Variants in UBE2D4 observed in about 807,000 individuals in gnomAD.
The protein encoded by UBE2D4 is ubiquitin-conjugating enzyme E2 D4.
In UBE2D4, 17 loss-of-function variants were observed where a neutral mutation model predicts 23.0. The observed-to-expected ratio is 0.74, with a 90% CI of 0.51 to 1.11. The LOEUF (loss-of-function observed/expected upper bound fraction) is 1.11. Among genes scored for constraint, UBE2D4 ranks in the 50% least tolerant of loss-of-function variants. UBE2D4 has a pLI of 0.00. For synonymous variants in UBE2D4, 61 were observed against 69.4 expected, an observed-to-expected ratio of 0.88 and a Z score of 0.60; for missense variants, 139 against 181.8, an observed-to-expected ratio of 0.76 and a Z score of 1.35.
chr7:43,926,607 G>A (rs994712940), intron 1 of UBE2D4, 51 bp downstream of exon 1: 2 of 1,526,924 alleles, frequency 1.3e-6, no homozygotes, highest in Non-Finnish European at 1.8e-6. Flanking sequence ...GCGTCGAGGT[G>A]TGGGCGGGGC....
At chr7:43,949,924 G>A (rs1258442441) in intron 5 of UBE2D4, among the ~76,000 whole-genome samples, 2 of 151,900 alleles carry the variant, frequency 1.3e-5, no homozygotes, top group East Asian at 3.9e-4. Context: ...GCGCGATCTC[G>A]GCTCACTGCA....
rs2096008213 is a variant in UBE2D4 at position 43,953,880 on chromosome 7, C to G, written c.*1185C>G. 1 of 152,338 alleles carries G rather than the reference C, an allele frequency of 6.6e-6. No individual in the cohort carries two copies. Among genetic ancestry groups the G allele is most frequent in the Non-Finnish European group, 1.5e-5 (1 of 68,136 alleles). The allele number at this position is 152,338 out of a possible 1,614,324, so 9.4% of individuals were successfully genotyped here. A position where few individuals can be genotyped will look rare whatever the true frequency, so the allele number is the denominator to read the frequency against. ...GGTTGGTTATAAAGCTGGTCCACTT[C>G]CAGGAAGTGATGTGTAGGTGAATAG... On this transcript the variant is annotated 3_prime_UTR_variant, in exon 7 of 7. Transcript: ENST00000222402.
At chr7:43,933,033 CATATGT>C (rs1562597772) in intron 1 of UBE2D4, among the ~76,000 whole-genome samples, 1 of 134,956 alleles carries the variant, frequency 7.4e-6, no homozygotes, top group East Asian at 2.2e-4. Flanking sequence ...TATATATACA[CATATGT>C]ATGTGTGTAT....
At position 43,944,626 on chromosome 7, in the gene UBE2D4, T is replaced by C. The variant is rs962719415; in HGVS notation, c.198+1595T>C. 4 of 152,214 alleles carry C rather than the reference T, an allele frequency of 2.6e-5. No individual in the cohort carries two copies. The highest frequency in any genetic ancestry group is 9.7e-5 in the African/African-American group (4 of 41,442). The allele number at this position is 152,214 out of a possible 1,614,324, so 9.4% of individuals were successfully genotyped here. ...CATTTTAAATCTTTGTTAAATATGC[T>C]TAGGATCCCAGAGACCTTTTAAGCT... On this transcript the variant is annotated intron_variant, in intron 4 of 6. Coordinates refer to ENST00000222402, the MANE Select transcript of UBE2D4 (RefSeq NM_015983.4). The surrounding 1 kb of genome is among the most constrained non-coding windows in gnomAD (Gnocchi z 4.0).
intron 2 of UBE2D4, among the ~76,000 whole-genome samples, chr7:43,939,081 C>G (rs2095965079): frequency 6.6e-6 from 1 of 152,200 alleles, no homozygotes; most frequent in African/African-American, 2.4e-5. Context: ...GGAGTCACAT[C>G]AGCTGCTGGA....
At position 43,953,061 on chromosome 7, in the gene UBE2D4, A is replaced by C; in HGVS notation, c.*366A>C. The C allele has an allele frequency of 2.2e-6, 1 of 447,598 alleles. No individual in the cohort carries two copies. The highest frequency in any genetic ancestry group is 4.5e-6 in the Non-Finnish European group (1 of 222,860). The allele number at this position is 447,598 out of a possible 1,614,324, so 27.7% of individuals were successfully genotyped here. A position where few individuals can be genotyped will look rare whatever the true frequency, so the allele number is the denominator to read the frequency against. On this transcript the variant is annotated 3_prime_UTR_variant, in exon 7 of 7. Coordinates refer to ENST00000222402, the MANE Select transcript of UBE2D4 (RefSeq NM_015983.4). ...CTGCTGCCCATGATGGTACCACACCAGGGCCTCAGCCTGGCCCCTCACCAC... is the reference window on the plus strand; with the variant it reads ...CTGCTGCCCATGATGGTACCACACCCGGGCCTCAGCCTGGCCCCTCACCAC...
intron 4 of UBE2D4, among the ~76,000 whole-genome samples, chr7:43,946,904 A>G (rs892925097): frequency 6.6e-6 from 1 of 151,802 alleles, no homozygotes; most frequent in African/African-American, 2.4e-5. Flanking sequence ...TTATACTTTA[A>G]GTTCTAGGGT....
chr7:43,938,092 G>C lies in UBE2D4; in HGVS notation c.25-339G>C, dbSNP rs551996515. 9.9e-5 allele frequency among the ~76,000 whole-genome samples: 15 copies of C among 152,160 alleles called. No individual in the cohort carries two copies. The South Asian group carries it at 3.1e-3, about 32-fold the overall frequency. On this transcript the variant is annotated intron_variant, in intron 1 of 6. Transcript: ENST00000222402. ...CTTCAGCACCTGGGGGCCTGGGGATGTCCTCTACCTGAGGAGGTAGGAGGC... is the reference window on the plus strand; with the variant it reads ...CTTCAGCACCTGGGGGCCTGGGGATCTCCTCTACCTGAGGAGGTAGGAGGC...
At chr7:43,936,513 G>A (rs1441938848) in intron 1 of UBE2D4, among the ~76,000 whole-genome samples, 1 of 151,804 alleles carries the variant, frequency 6.6e-6, no homozygotes, top group African/African-American at 2.4e-5. Context: ...TTAATGATTT[G>A]GTAATAAATT....
intron 3 of UBE2D4, 28 bp from the exon 4 acceptor site, chr7:43,942,926 G>C (rs776231291): frequency 6.2e-7 from 1 of 1,614,070 alleles, no homozygotes; most frequent in East Asian, 2.2e-5. Context: ...CACATGCACT[G>C]ATCTCTTTCT....
intron 2 of UBE2D4, chr7:43,940,780 T>G (rs1327805918): frequency 1.3e-5 from 2 of 152,214 alleles, no homozygotes; most frequent in Admixed American, 1.3e-4. Flanking sequence ...CTGAAATATA[T>G]TATCAAAACA....
intron 1 of UBE2D4, among the ~76,000 whole-genome samples, chr7:43,937,863 G>T (rs571325658): frequency 1.2e-5 from 1 of 82,590 alleles, no homozygotes; most frequent in South Asian, 4.7e-4. Flanking sequence ...TTTGGCTCAC[G>T]TGCCAGTCTC....
At chr7:43,951,071 A>G (rs1405444911) in intron 6 of UBE2D4, among the ~76,000 whole-genome samples, 1 of 152,256 alleles carries the variant, frequency 6.6e-6, no homozygotes, top group African/African-American at 2.4e-5. Flanking sequence ...TTATAGCCTA[A>G]GACAAGGGGA....
intron 1 of UBE2D4, among the ~76,000 whole-genome samples, chr7:43,933,064 TAC>T (rs1324953963): frequency 1.4e-5 from 2 of 146,156 alleles, no homozygotes; most frequent in African/African-American, 2.5e-5. Context: ...ATAACATATA[TAC>T]ACACATATAT....
intron 1 of UBE2D4, chr7:43,927,938 T>C (rs1205847035): frequency 1.2e-5 from 5 of 421,184 alleles, no homozygotes; most frequent in African/African-American, 2.0e-5. Context: ...TAGTCTGTTT[T>C]GTGTTGCTAT....
Position 43,950,601 on chromosome 7 carries a change from C to A in UBE2D4, c.307C>A (p.Leu103Ile). The A allele has an allele frequency of 6.2e-7, 1 of 1,614,118 alleles. No individual in the cohort carries two copies. Among genetic ancestry groups the A allele is most frequent in the African/African-American group, 1.3e-5 (1 of 75,056 alleles). Residue 103 changes from leucine (L) to isoleucine (I), a missense_variant and splice_region_variant, in exon 6 of 7, where the codon CTC (leucine) becomes ATC (isoleucine). By Grantham distance (5) the Leu-to-Ile change is conservative. Transcript: ENST00000222402. ...WSPALTVSKV[L>I]LSICSLLCDP... Reference sequence around the variant, plus strand: ...CCAACCTTTTCTTTTCTTCCCAGTTCTCTTGTCCATCTGCTCGCTGCTCTG... The same window carrying A: ...CCAACCTTTTCTTTTCTTCCCAGTTATCTTGTCCATCTGCTCGCTGCTCTG...
chr7:43,942,785 TGGG>T, intron 2 of UBE2D4, 38 bp from the exon 3 acceptor site: 1 of 1,614,000 alleles, frequency 6.2e-7, no homozygotes, highest in South Asian at 1.1e-5. Context: ...ACATGTTTCT[TGGG>T]GGGTCTCTTA....
chr7:43,952,604 G>T, intron 6 of UBE2D4, 46 bp from the exon 7 acceptor site: 1 of 1,559,890 alleles, frequency 6.4e-7, no homozygotes, highest in South Asian at 1.1e-5. Context: ...GAAGGGAAGT[G>T]ACCATTTCAA....
chr7:43,950,840 C>G, intron 6 of UBE2D4, 148 bp downstream of exon 6: 2 of 659,832 alleles, frequency 3.0e-6, no homozygotes, highest in Non-Finnish European at 5.3e-6. Context: ...AGGGTGTGCC[C>G]TGGGCTTGGA....
Sources: gnomAD v4.1 joint callset for allele counts (sites outside exome capture counted in the v4.1 genomes callset) on GRCh38, gnomAD v4.1.1 for gene constraint, Gnocchi (gnomAD v3.1) non-coding constraint, MANE v1.5 for transcripts, NCBI Gene and HGNC (gene_info 2026-07-23, HGNC 2026-07-21) for gene names.